The following PIK3C3 variants were observed in gnomAD, a reference collection of about 807,000 sequenced individuals.
The protein encoded by PIK3C3 is phosphatidylinositol 3-kinase catalytic subunit type 3, also known as PI3-kinase type 3.
PIK3C3 carries 95 observed loss-of-function variants against 126.1 expected under a neutral mutation model. The ratio of observed to expected loss-of-function variants is 0.75; its 90% CI spans 0.64 to 0.89. The LOEUF is 0.89. Ranked by LOEUF, PIK3C3 falls within the 40% of genes least tolerant of loss-of-function variation. PIK3C3 has a pLI of 0.00. For synonymous variants in PIK3C3, 374 were observed against 360.0 expected (o/e 1.04, Z -0.44); for missense variants, 829 against 1,063.2 (o/e 0.78, Z 3.06).
chr18:41,999,507 G>A (rs1174333835), intron 9 of PIK3C3, among the ~76,000 whole-genome samples: 1 of 152,086 alleles, frequency 6.6e-6, no homozygotes, highest in Non-Finnish European at 1.5e-5. Flanking sequence ...TGTGTCTCCT[G>A]ACAAGAAATT....
At chr18:41,988,897 T>G (rs956442075) in intron 5 of PIK3C3, among the ~76,000 whole-genome samples, 1 of 152,130 alleles carries the variant, frequency 6.6e-6, no homozygotes, top group Admixed American at 6.6e-5. Flanking sequence ...CTTCTTAAAC[T>G]TAGATATCAC....
At chr18:42,005,728 T>C (rs1598888062) in intron 10 of PIK3C3, among the ~76,000 whole-genome samples, 2 of 145,308 alleles carry the variant, frequency 1.4e-5, no homozygotes, top group East Asian at 3.5e-4. Flanking sequence ...GAATTAGTGG[T>C]ATCTGAATTT....
chr18:42,001,183 C>T (rs777288411), intron 9 of PIK3C3, among the ~76,000 whole-genome samples: 1 of 152,166 alleles, frequency 6.6e-6, no homozygotes, highest in Admixed American at 6.5e-5. Flanking sequence ...GTAAAGCTAA[C>T]ATTTGATGTC....
intron 9 of PIK3C3, among the ~76,000 whole-genome samples, chr18:41,999,596 A>G (rs540621036): frequency 8.1e-4 from 123 of 152,296 alleles, no homozygotes; most frequent in African/African-American, 2.9e-3. Flanking sequence ...ATATAAGACT[A>G]TGAGCTTTCA....
At chr18:42,034,606 G>GT (rs1983966385) in intron 16 of PIK3C3, among the ~76,000 whole-genome samples, 2 of 152,146 alleles carry the variant, frequency 1.3e-5, no homozygotes, top group Non-Finnish European at 1.5e-5. Context: ...CAGGCTTGGT[G>GT]TTTTTTCTAT....
chr18:42,067,256 T>A lies in PIK3C3; in HGVS notation c.2524-132T>A. On this transcript the variant is annotated intron_variant, in intron 23 of 24. Transcript: ENST00000262039. The stretch of plus-strand genomic sequence containing the variant: ...CAAAGAATGCCATTCAGAATTCTAA[T>A]AAGTTACAGGTCATTTATTTGCCAT... 3 of 766,446 alleles carry A rather than the reference T, an allele frequency of 3.9e-6. No individual in the cohort carries two copies. In the South Asian group the frequency reaches 5.5e-5, roughly 14 times the overall value. The allele number at this position is 766,446 out of a possible 1,614,324, so 47.5% of individuals were successfully genotyped here. A position where few individuals can be genotyped will look rare whatever the true frequency, so the allele number is the denominator to read the frequency against.
intron 21 of PIK3C3, among the ~76,000 whole-genome samples, chr18:42,053,821 G>A (rs760849801): frequency 6.6e-6 from 1 of 151,854 alleles, no homozygotes; most frequent in South Asian, 2.1e-4. Context: ...AATGCAATCA[G>A]TATTTGAAAT....
chr18:41,993,952 C>A (rs1981904300), intron 7 of PIK3C3, among the ~76,000 whole-genome samples: 1 of 152,082 alleles, frequency 6.6e-6, no homozygotes. Flanking sequence ...CTTGTAGGCA[C>A]AAAATCCTTT....
At chr18:42,012,907 C>G (rs1390203089) in intron 10 of PIK3C3, among the ~76,000 whole-genome samples, 1 of 152,054 alleles carries the variant, frequency 6.6e-6, no homozygotes, top group Non-Finnish European at 1.5e-5. Flanking sequence ...TTCTCTAAAA[C>G]TTGAGCTTTC....
At chr18:42,014,295 A>AT (rs1448200440) in intron 11 of PIK3C3, among the ~76,000 whole-genome samples, 4 of 151,784 alleles carry the variant, frequency 2.6e-5, no homozygotes, top group African/African-American at 4.8e-5. Context: ...AAAAAGTTGC[A>AT]TTTTTTGTTA....
At chr18:42,056,183 A>G (rs181701993) in intron 21 of PIK3C3, among the ~76,000 whole-genome samples, 1 of 152,190 alleles carries the variant, frequency 6.6e-6, no homozygotes, top group East Asian at 1.9e-4. Flanking sequence ...ATGAAGATGA[A>G]TTTTCTTAAA....
Position 42,082,308 on chromosome 18 carries a change from A to T in PIK3C3, c.*1171A>T, listed in dbSNP as rs1986278155. ...ACAGTTTCAGAGAATGCCGTTAATG[A>T]TAACGTGTTATTTGTCTCAAATTCT... On this transcript the variant is annotated 3_prime_UTR_variant, in exon 25 of 25. Coordinates refer to ENST00000262039, the MANE Select transcript of PIK3C3 (RefSeq NM_002647.4). 1 of 152,200 alleles carries T rather than the reference A, an allele frequency of 6.6e-6. No individual in the cohort carries two copies. The highest frequency in any genetic ancestry group is 1.5e-5 in the Non-Finnish European group (1 of 68,026). 9.4% of individuals were successfully genotyped at this position (152,200 alleles called of 1,614,324 possible).
rs2144463284 is a variant in PIK3C3, at chr18:42,037,733, T to C, written c.1881T>C (p.Asp627=). The C allele has an allele frequency of 3.7e-6, 6 of 1,612,428 alleles. No individual in the cohort carries two copies. The highest frequency in any genetic ancestry group is 1.3e-5 in the African/African-American group (1 of 75,040). The change falls in exon 17 of 25, where the codon GAT becomes GAC. Residue 627 remains aspartate (D), a synonymous_variant. Coordinates refer to ENST00000262039, the MANE Select transcript of PIK3C3 (RefSeq NM_002647.4). ...CACAGTTGTTTTTTAAGACGGAAGA[T>C]GGAGGCAAATATCCAGTTATATTTA... ...MPAQLFFKTE[D]GGKYPVIFKH...
At chr18:41,980,036 A>G (rs567205472) in intron 4 of PIK3C3, among the ~76,000 whole-genome samples, 8 of 152,256 alleles carry the variant, frequency 5.3e-5, no homozygotes, top group African/African-American at 1.9e-4. Context: ...AATAATGTTG[A>G]TGAATAAACT....
chr18:41,993,738 T>C (rs2094341272), intron 7 of PIK3C3, among the ~76,000 whole-genome samples: 1 of 152,120 alleles, frequency 6.6e-6, no homozygotes, highest in East Asian at 1.9e-4. Context: ...GATGAATGCG[T>C]GAAAGTTTTA....
intron 16 of PIK3C3, 83 bp from the exon 17 acceptor site, chr18:42,037,609 A>G: frequency 8.1e-7 from 1 of 1,231,682 alleles, no homozygotes; most frequent in Non-Finnish European, 1.1e-6. Flanking sequence ...TTTATCTTAT[A>G]TATCAACATT....
rs1343519843 is a variant in PIK3C3, at chr18:42,040,603, A to C, written c.2039-74A>C. 9 of 1,007,478 alleles carry C rather than the reference A, an allele frequency of 8.9e-6. No individual in the cohort carries two copies. In the Admixed American group the frequency reaches 1.8e-4, roughly 20 times the overall value. 62.4% of individuals were successfully genotyped at this position (1,007,478 alleles called of 1,614,324 possible). A position where few individuals can be genotyped will look rare whatever the true frequency, so the allele number is the denominator to read the frequency against. ...ATGCATTTATTCAGAGATGAGGATT[A>C]TTCTTAGCAGAACCTTTATTTTTAT... On this transcript the variant is annotated intron_variant, in intron 18 of 24. Coordinates refer to ENST00000262039, the MANE Select transcript of PIK3C3 (RefSeq NM_002647.4).
chr18:42,055,159 GTAATGAGTGAGCTCTTC>G (rs1178861288), intron 21 of PIK3C3, among the ~76,000 whole-genome samples: 6 of 152,026 alleles, frequency 3.9e-5, no homozygotes, highest in African/African-American at 1.2e-4. Flanking sequence ...TGTGCTGGAG[GTAATGAGTGAGCTCTTC>G]TGTTAGTTCC....
chr18:42,000,884 G>A (rs181143924), intron 9 of PIK3C3, among the ~76,000 whole-genome samples: 2 of 152,190 alleles, frequency 1.3e-5, no homozygotes, highest in African/African-American at 4.8e-5. Context: ...CTCATAACAC[G>A]TGGGAGCTGA....
Sources: gnomAD v4.1 joint callset for allele counts (sites outside exome capture counted in the v4.1 genomes callset) on GRCh38, gnomAD v4.1.1 for gene constraint, MANE v1.5 for transcripts, NCBI Gene and HGNC (gene_info 2026-07-23, HGNC 2026-07-21) for gene names.